CHODL: variants seen among roughly 807,000 people sequenced by gnomAD.
CHODL encodes the protein chondrolectin, also known as transmembrane protein MT75.
CHODL carries 29 observed loss-of-function variants against 34.5 expected under a neutral mutation model. The ratio of observed to expected loss-of-function variants is 0.84; its 90% CI spans 0.63 to 1.15. CHODL has a LOEUF of 1.15. Among genes scored for constraint, CHODL ranks in the 50% most tolerant of loss-of-function variants. CHODL has a pLI of 0.00. For synonymous variants in CHODL, 125 were observed against 116.1 expected, an observed-to-expected ratio of 1.08 and a Z score of -0.49; for missense variants, 332 against 332.5, an observed-to-expected ratio of 1.00 and a Z score of 0.01.
intron 5 of CHODL, among the ~76,000 whole-genome samples, chr21:18,264,179 T>C (rs1243097677): frequency 6.6e-6 from 1 of 152,066 alleles, no homozygotes; most frequent in African/African-American, 2.4e-5. Context: ...GTCTGGTAGA[T>C]GGAGGAGGGG....
intron 2 of CHODL, among the ~76,000 whole-genome samples, chr21:18,098,350 A>G (rs2065166089): frequency 6.6e-6 from 1 of 152,090 alleles, no homozygotes; most frequent in Non-Finnish European, 1.5e-5. Flanking sequence ...AGGGGCCTCA[A>G]TAACTCTATA....
chr21:18,229,454 T>C (rs1167161712), intron 2 of CHODL, among the ~76,000 whole-genome samples: 1 of 152,114 alleles, frequency 6.6e-6, no homozygotes, highest in East Asian at 1.9e-4. Context: ...GTTAACAGGG[T>C]CATATTTTTC....
At chr21:18,090,052 G>A (rs938881156) in intron 2 of CHODL, among the ~76,000 whole-genome samples, 1 of 152,102 alleles carries the variant, frequency 6.6e-6, no homozygotes, top group Non-Finnish European at 1.5e-5. Context: ...TTAGTCAGCT[G>A]GATATTCACA....
intron 2 of CHODL, among the ~76,000 whole-genome samples, chr21:18,063,800 A>C (rs2064697639): frequency 6.6e-6 from 1 of 152,232 alleles, no homozygotes. Flanking sequence ...AAAATGTTTA[A>C]CATGGCCTCT....
At chr21:18,205,335 A>G (rs1449897751) in intron 2 of CHODL, among the ~76,000 whole-genome samples, 2 of 152,194 alleles carry the variant, frequency 1.3e-5, no homozygotes, top group Admixed American at 1.3e-4. Context: ...GCATGAATTG[A>G]AATGATCATA....
chr21:17,960,633 T>A (rs140050832), intron 1 of CHODL, among the ~76,000 whole-genome samples: 1 of 152,342 alleles, frequency 6.6e-6, no homozygotes, highest in African/African-American at 2.4e-5. Flanking sequence ...ATTCTCTTAT[T>A]CTGTTATCTC....
intron 2 of CHODL, among the ~76,000 whole-genome samples, chr21:18,226,588 C>G (rs551385887): frequency 3.3e-5 from 5 of 152,086 alleles, no homozygotes; most frequent in African/African-American, 4.8e-5. Context: ...TGTGAGCCAC[C>G]ACGTTTGGCC....
intron 2 of CHODL, among the ~76,000 whole-genome samples, chr21:18,083,429 TG>T (rs1266346728): frequency 2.0e-5 from 3 of 152,300 alleles, no homozygotes; most frequent in Non-Finnish European, 4.4e-5. Context: ...ACTGGCACAC[TG>T]CCTAGTGGAG....
chr21:18,231,159 T>C (rs2073974847), intron 2 of CHODL, among the ~76,000 whole-genome samples: 1 of 152,102 alleles, frequency 6.6e-6, no homozygotes, highest in Non-Finnish European at 1.5e-5. Context: ...AGCTTTTAAG[T>C]TGAAGAAAGA....
At chr21:18,264,601 CAAAAAA>C (rs564344974) in intron 5 of CHODL, among the ~76,000 whole-genome samples, 4 of 68,834 alleles carry the variant, frequency 5.8e-5, no homozygotes, top group South Asian at 5.9e-4. Context: ...GGGTCTGTCT[CAAAAAA>C]AAAAAAAAAA....
At chr21:18,212,855 C>T (rs1207807389) in intron 2 of CHODL, among the ~76,000 whole-genome samples, 4 of 152,090 alleles carry the variant, frequency 2.6e-5, no homozygotes, top group Admixed American at 2.6e-4. Flanking sequence ...AATAATCCCG[C>T]AATGAGATGT....
rs576477590 is a variant in CHODL, at chr21:18,260,685, A to G, written c.634+399A>G. Among the ~76,000 whole-genome samples, 3 of 152,140 alleles carry G rather than the reference A, an allele frequency of 2.0e-5. No homozygotes were observed. The East Asian group carries it at 5.8e-4, about 30-fold the overall frequency. On this transcript the variant is annotated intron_variant, in intron 4 of 5. Transcript: ENST00000299295. ...AAAAACTAGCCTGGCGTGGAGGTAC[A>G]CACCTGCAGTCCCAGCTACTGGGAA...
chr21:18,204,342 A>C (rs1037145951), intron 2 of CHODL, among the ~76,000 whole-genome samples: 1 of 152,140 alleles, frequency 6.6e-6, no homozygotes, highest in Non-Finnish European at 1.5e-5. Context: ...TTAAAACTTT[A>C]GGATAATATC....
At chr21:18,170,457 T>C (rs2073213556) in intron 2 of CHODL, among the ~76,000 whole-genome samples, 2 of 152,156 alleles carry the variant, frequency 1.3e-5, no homozygotes, top group African/African-American at 4.8e-5. Context: ...ATTTTTATTT[T>C]CTATAAGTTT....
At chr21:18,192,340 T>A (rs1004941057) in intron 2 of CHODL, among the ~76,000 whole-genome samples, 1 of 152,206 alleles carries the variant, frequency 6.6e-6, no homozygotes, top group African/African-American at 2.4e-5. Flanking sequence ...GTTAGATGCA[T>A]GAGCAAGAGT....
intron 1 of CHODL, among the ~76,000 whole-genome samples, chr21:18,023,568 G>C (rs59606686): frequency 0.015 from 2,264 of 152,136 alleles, 52 homozygotes; most frequent in African/African-American, 0.051. Flanking sequence ...CACTCTTGTT[G>C]GTAAAGAGGA....
At chr21:18,076,613 G>C (rs1014489463) in intron 2 of CHODL, among the ~76,000 whole-genome samples, 1 of 152,178 alleles carries the variant, frequency 6.6e-6, no homozygotes, top group African/African-American at 2.4e-5. Flanking sequence ...GCCTATCTGG[G>C]AGAGAACACA....
intron 2 of CHODL, among the ~76,000 whole-genome samples, chr21:18,159,910 G>A (rs543514108): frequency 6.6e-6 from 1 of 152,278 alleles, no homozygotes; most frequent in South Asian, 2.1e-4. Flanking sequence ...GAAAAGGCAA[G>A]GAACTGGATT....
chr21:18,223,437 A>G (rs1158920427), intron 2 of CHODL, among the ~76,000 whole-genome samples: 1 of 152,240 alleles, frequency 6.6e-6, no homozygotes, highest in Admixed American at 6.5e-5. Context: ...GAAATGGTCC[A>G]TGAAATTCGA....
Sources: allele counts gnomAD v4.1 joint callset (sites outside exome capture counted in the v4.1 genomes callset), GRCh38; gene constraint gnomAD v4.1.1; transcripts MANE v1.5; gene names NCBI Gene and HGNC (gene_info 2026-07-23, HGNC 2026-07-21).